Variants in DMKN observed in about 807,000 individuals in gnomAD.
The protein encoded by DMKN is epidermis-specific secreted protein SK30/SK89.
In DMKN, 58 loss-of-function variants were observed where a neutral mutation model predicts 67.6. That is an observed-to-expected ratio of 0.86 (90% confidence interval 0.69 to 1.07). The LOEUF is 1.07. DMKN is among the 50% of genes least tolerant of loss of function. The pLI is 0.00. For missense variants in DMKN, 596 were observed against 601.5 expected, an observed-to-expected ratio of 0.99 and a Z score of 0.10; for synonymous variants, 240 against 232.3, an observed-to-expected ratio of 1.03 and a Z score of -0.30.
chr19:35,498,396 A>G (rs2067801732), intron 15 of DMKN: 7 of 363,564 alleles, frequency 1.9e-5, no homozygotes, highest in South Asian at 1.5e-4. Context: ...TCTTTTAGAG[A>G]TGGGGTCTTG....
intron 1 of DMKN, 113 bp downstream of exon 1, chr19:35,512,937 G>A: frequency 6.5e-7 from 1 of 1,533,770 alleles, no homozygotes; most frequent in Non-Finnish European, 8.7e-7. Context: ...GAAGGAAGCT[G>A]CCCCAGAAGC....
chr19:35,509,956 T>A lies in DMKN; in HGVS notation c.993A>T (p.Glu331Asp), dbSNP rs1310111273. The change falls in exon 7 of 16, where the codon GAA (glutamate) becomes GAT (aspartate). Residue 331 changes from glutamate to aspartate, a missense_variant. Coordinates refer to ENST00000339686, the MANE Select transcript of DMKN (RefSeq NM_033317.5). Reference sequence around the variant, plus strand: ...TCCCGCGGGCTTCATTCCCTGGCTTTTCACACTGCCGGGGAGAGAAAGGGG... The same window carrying A: ...TCCCGCGGGCTTCATTCCCTGGCTTATCACACTGCCGGGGAGAGAAAGGGG... ...GGGNGHKPGC[E>D]KPGNEARGSG... is the part of the protein sequence containing the mutation. The A allele has an allele frequency of 6.2e-7, 1 of 1,614,134 alleles. No homozygotes were observed. The highest frequency in any genetic ancestry group is 1.7e-5 in the Admixed American group (1 of 60,034).
intron 5 of DMKN, 127 bp from the exon 6 acceptor site, chr19:35,510,379 C>T: frequency 6.4e-7 from 1 of 1,552,416 alleles, no homozygotes; most frequent in African/African-American, 1.4e-5. Flanking sequence ...ACCTCCAGAC[C>T]TTCCCCCTCT....
In DMKN at chr19:35,505,935, T is replaced by C; in HGVS notation, c.1086+4A>G. On this transcript the variant is annotated splice_donor_region_variant and intron_variant, in intron 8 of 15. Coordinates refer to ENST00000339686, the MANE Select transcript of DMKN (RefSeq NM_033317.5). ...AGTGAACAGAGCCATCTCGCAGAAC[T>C]CACCTTCCAGAAAGTGTCAAAGTTA... is the stretch of plus-strand genomic sequence containing the variant. The C allele has an allele frequency of 6.2e-7, 1 of 1,614,160 alleles. No individual in the cohort carries two copies. Among genetic ancestry groups the C allele is most frequent in the Non-Finnish European group, 8.5e-7 (1 of 1,180,030 alleles).
chr19:35,499,134 C>A (rs1263642304), intron 13 of DMKN: 7 of 607,426 alleles, frequency 1.2e-5, no homozygotes, highest in Non-Finnish European at 2.0e-5. Context: ...ACGTACTGAC[C>A]AAGGGGGTCA....
chr19:35,512,532 G>A, intron 2 of DMKN, 55 bp from the exon 3 acceptor site: 1 of 1,614,068 alleles, frequency 6.2e-7, no homozygotes, highest in Non-Finnish European at 8.5e-7. Flanking sequence ...GAGGCACGCG[G>A]AGCATGTGGG....
At chr19:35,509,792 TAGTC>T (rs553327901) in intron 7 of DMKN, 115 bp downstream of exon 7, 132 of 1,202,220 alleles carry the variant, frequency 1.1e-4, no homozygotes, top group African/African-American at 2.6e-4. Context: ...TCTGCCGAAA[TAGTC>T]AGTTCCCTGC....
At chr19:35,497,938 CCTCTTTCTCTCTCTCT>C (rs1385741371) in intron 15 of DMKN, 2 of 143,534 alleles carry the variant, frequency 1.4e-5, no homozygotes, top group South Asian at 2.2e-4. Context: ...GCTTTCTTTC[CCTCTTTCTCTCTCTCT>C]CTCTTTCTCT....
In DMKN at chr19:35,513,498, C is replaced by G; in HGVS notation, c.-23G>C. The G allele has an allele frequency of 6.3e-7, 1 of 1,580,178 alleles. No homozygotes were observed. Among genetic ancestry groups the G allele is most frequent in the South Asian group, 1.1e-5 (1 of 88,430 alleles). On this transcript the variant is annotated 5_prime_UTR_variant, in exon 1 of 16. Coordinates refer to ENST00000339686, the MANE Select transcript of DMKN (RefSeq NM_033317.5). ...CATCTCTGCCCAGCCCCCTCTCTCT[C>G]CAGAGTGTCTTCCTCCCACCAGGGT... is the stretch of plus-strand genomic sequence containing the variant.
chr19:35,505,893 T>C (rs992921968), intron 8 of DMKN, 46 bp downstream of exon 8: 2 of 1,613,896 alleles, frequency 1.2e-6, no homozygotes, highest in Non-Finnish European at 8.5e-7. Flanking sequence ...AGGGCAGGGG[T>C]TGGTTTTCCA....
chr19:35,507,474 G>C (rs1042567320), intron 7 of DMKN: 2 of 1,551,316 alleles, frequency 1.3e-6, no homozygotes, highest in Non-Finnish European at 1.7e-6. Context: ...ATTGTCTCCA[G>C]AGCCTCCAAG....
At chr19:35,510,700 C>T (rs756216126) in intron 5 of DMKN, among the ~76,000 whole-genome samples, 1 of 152,202 alleles carries the variant, frequency 6.6e-6, no homozygotes, top group Non-Finnish European at 1.5e-5. Flanking sequence ...TCAGGTTATT[C>T]GGCTTATTGT....
chr19:35,510,194 T>C lies in DMKN; in HGVS notation c.977A>G (p.His326Arg), dbSNP rs371166861. Residue 326 changes from histidine to arginine, a missense_variant, in exon 6 of 16, where the codon CAT becomes CGT. Coordinates refer to ENST00000339686, the MANE Select transcript of DMKN (RefSeq NM_033317.5). ...NHGGSGGGNG[H>R]KPGCEKPGNE... is the part of the protein sequence containing the mutation. ...ACGCCAGCCACTCACCCCGGGTTTA[T>C]GTCCATTTCCTCCGCCGCTCCCACC... 5 of 1,608,996 alleles carry C rather than the reference T, an allele frequency of 3.1e-6. No homozygotes were observed. The South Asian group carries it at 4.5e-5, about 14-fold the overall frequency.
chr19:35,497,661 T>C (rs1276300243), intron 15 of DMKN, 123 bp from the exon 16 acceptor site: 3 of 152,444 alleles, frequency 2.0e-5, no homozygotes, highest in East Asian at 3.9e-4. Flanking sequence ...TCGCCTGTGG[T>C]GCCCCTCACT....
chr19:35,508,640 A>T, intron 7 of DMKN: 1 of 170,570 alleles, frequency 5.9e-6, no homozygotes, highest in Admixed American at 6.3e-5. Context: ...CTAGCTCATC[A>T]ATTTCCTCCT....
chr19:35,503,877 C>G (rs1328252710), intron 9 of DMKN, among the ~76,000 whole-genome samples: 2 of 146,508 alleles, frequency 1.4e-5, no homozygotes, highest in African/African-American at 4.9e-5. Flanking sequence ...CTACAGGGAC[C>G]TTTTTGCCCA....
rs781584403 is a variant in DMKN, at chr19:35,513,102, G to A, written c.374C>T (p.Ala125Val). The A allele has an allele frequency of 4.3e-6, 7 of 1,613,966 alleles. No homozygotes were observed. The African/African-American group carries it at 8.0e-5, about 18-fold the overall frequency. ...RQAEDVIRHGADAVRGSWQGV... is the reference protein window; with the variant it reads ...RQAEDVIRHGVDAVRGSWQGV... ...CTGCCAGGAGCCGCGGACAGCATCTGCTCCGTGTCGAATGACATCTTCTGC... is the reference window on the plus strand; with the variant it reads ...CTGCCAGGAGCCGCGGACAGCATCTACTCCGTGTCGAATGACATCTTCTGC... Residue 125 changes from alanine to valine, a missense_variant, in exon 1 of 16, where the codon GCA (alanine) becomes GTA (valine). Ala to Val is a moderately conservative substitution (Grantham distance 64). Transcript: ENST00000339686.
intron 9 of DMKN, chr19:35,503,224 G>A (rs8106676): frequency 0.22 from 310,863 of 1,444,276 alleles, 35,388 homozygotes; most frequent in Non-Finnish European, 0.24. Flanking sequence ...CCCGTTTCCC[G>A]AAGCTGTGGG....
intron 7 of DMKN, chr19:35,507,439 T>C (rs2069790791): frequency 1.3e-6 from 2 of 1,549,816 alleles, no homozygotes; most frequent in East Asian, 2.4e-5. Context: ...AAGCCAACCC[T>C]GCCTGCCCCT....
Sources: gnomAD v4.1 joint callset for allele counts (sites outside exome capture counted in the v4.1 genomes callset) on GRCh38, gnomAD v4.1.1 for gene constraint, MANE v1.5 for transcripts, NCBI Gene and HGNC (gene_info 2026-07-23, HGNC 2026-07-21) for gene names.